The following PLCL2 variants were observed in gnomAD, a reference collection of about 807,000 sequenced individuals.
PLCL2 encodes the protein phospholipase C like 2.
A neutral mutation model predicts 79.6 loss-of-function variants in PLCL2; 4 were observed. The ratio of observed to expected loss-of-function variants is 0.05; its 90% CI spans 0.02 to 0.11. The LOEUF is 0.11. PLCL2 is among the 10% of genes least tolerant of loss of function. The probability of loss-of-function intolerance (pLI) is 1.00; values close to 1 mark genes in which losing one functional copy is unlikely to be tolerated. For missense variants in PLCL2, 895 were observed against 1,291.0 expected, an observed-to-expected ratio of 0.69 and a Z score of 4.70; for synonymous variants, 484 against 457.7, an observed-to-expected ratio of 1.06 and a Z score of -0.73.
chr3:17,083,305 C>G (rs1256878270), intron 5 of PLCL2, among the ~76,000 whole-genome samples: 1 of 152,176 alleles, frequency 6.6e-6, no homozygotes, highest in Non-Finnish European at 1.5e-5. Context: ...ACGTGCATTT[C>G]TGGGGCAAGG....
chr3:17,084,129 A>G (rs900572307), intron 5 of PLCL2, among the ~76,000 whole-genome samples: 8 of 152,190 alleles, frequency 5.3e-5, no homozygotes, highest in Non-Finnish European at 1.2e-4. Flanking sequence ...TATGGACACT[A>G]AAAGGATAAT....
intron 1 of PLCL2, among the ~76,000 whole-genome samples, chr3:16,999,749 A>T (rs779280983): frequency 1.4e-4 from 22 of 152,230 alleles, no homozygotes; most frequent in Non-Finnish European, 2.9e-4. Context: ...TTTCACAGCT[A>T]TCAATAAAAG....
intron 1 of PLCL2, among the ~76,000 whole-genome samples, chr3:16,972,524 A>G (rs188264755): frequency 5.3e-5 from 8 of 152,258 alleles, no homozygotes; most frequent in Admixed American, 1.3e-4. Flanking sequence ...GTTAAGTTCA[A>G]GTTCCGAATA....
chr3:17,069,311 A>C (rs555379994), intron 5 of PLCL2, among the ~76,000 whole-genome samples: 5 of 152,272 alleles, frequency 3.3e-5, no homozygotes, highest in African/African-American at 1.2e-4. Context: ...AAGGAAAACT[A>C]GTTTGGGAGG....
At chr3:17,033,029 T>C (rs776324725) in intron 3 of PLCL2, among the ~76,000 whole-genome samples, 1 of 152,132 alleles carries the variant, frequency 6.6e-6, no homozygotes, top group Non-Finnish European at 1.5e-5. Context: ...ACAGATAAGA[T>C]GGGATGTTAT....
At chr3:16,972,963 G>A (rs1208600938) in intron 1 of PLCL2, among the ~76,000 whole-genome samples, 2 of 151,754 alleles carry the variant, frequency 1.3e-5, no homozygotes, top group African/African-American at 4.8e-5. Flanking sequence ...CTTTTAATTG[G>A]GACACTTATC....
intron 1 of PLCL2, among the ~76,000 whole-genome samples, chr3:16,938,457 C>T (rs1026917882): frequency 2.0e-5 from 3 of 151,982 alleles, no homozygotes; most frequent in East Asian, 1.9e-4. Flanking sequence ...GTTGTATCTG[C>T]GGTGGGAGTT....
intron 4 of PLCL2, among the ~76,000 whole-genome samples, chr3:17,047,549 T>A (rs1340865381): frequency 6.6e-6 from 1 of 152,222 alleles, no homozygotes; most frequent in South Asian, 2.1e-4. Flanking sequence ...CTGAGTAAAG[T>A]GGGATCAAAG....
At position 17,041,708 on chromosome 3, in the gene PLCL2, C is replaced by T. The variant is rs148323526; in HGVS notation, c.3019-1166C>T. On this transcript the variant is annotated intron_variant, in intron 3 of 5. Coordinates refer to ENST00000615277, the MANE Select transcript of PLCL2 (RefSeq NM_001144382.2). ...CCTGTAATGCCAGCACTTGGGAGGC[C>T]GAGGTGGGAAGATCACTTGAGCCTA... Among the ~76,000 whole-genome samples the T allele has an allele frequency of 3.0e-3, 451 of 152,148 alleles. 1 individual carries two copies. Among genetic ancestry groups the T allele is most frequent in the Middle Eastern group, 0.017 (5 of 292 alleles).
At chr3:17,037,076 A>C (rs2064665666) in intron 3 of PLCL2, among the ~76,000 whole-genome samples, 1 of 152,210 alleles carries the variant, frequency 6.6e-6, no homozygotes, top group African/African-American at 2.4e-5. Flanking sequence ...GAAAATTCTG[A>C]CTAGATGGGA....
At chr3:16,980,282 C>CG (rs1452566000) in intron 1 of PLCL2, among the ~76,000 whole-genome samples, 2 of 146,240 alleles carry the variant, frequency 1.4e-5, no homozygotes, top group African/African-American at 5.1e-5. Flanking sequence ...CTGACCCCCC[C>CG]CACCTCCCTC....
chr3:16,898,932 G>T (rs1470495390), intron 1 of PLCL2, among the ~76,000 whole-genome samples: 1 of 152,244 alleles, frequency 6.6e-6, no homozygotes, highest in Non-Finnish European at 1.5e-5. Flanking sequence ...GGAGGGTGGA[G>T]GGGGAGGGGG....
intron 4 of PLCL2, among the ~76,000 whole-genome samples, chr3:17,050,338 A>G (rs1370131009): frequency 6.6e-6 from 1 of 152,202 alleles, no homozygotes; most frequent in Admixed American, 6.5e-5. Flanking sequence ...ATCAAGTTAA[A>G]AGGCTTCCAC....
At chr3:17,017,556 C>G (rs1444566296) in intron 3 of PLCL2, among the ~76,000 whole-genome samples, 1 of 152,082 alleles carries the variant, frequency 6.6e-6, no homozygotes, top group Non-Finnish European at 1.5e-5. Context: ...CTAAATATAG[C>G]TCTTTATTTT....
At chr3:17,001,752 A>G (rs1367370429) in intron 1 of PLCL2, among the ~76,000 whole-genome samples, 3 of 151,928 alleles carry the variant, frequency 2.0e-5, no homozygotes, top group Non-Finnish European at 4.4e-5. Context: ...TTTGGTTACT[A>G]TAGCTTTGTA....
At chr3:17,067,918 TG>T in intron 4 of PLCL2, 37 bp from the exon 5 acceptor site, 1 of 1,117,440 alleles carries the variant, frequency 8.9e-7, no homozygotes, top group East Asian at 2.4e-5. Context: ...ACAGATTGGA[TG>T]GGAGTTAATA....
At chr3:17,000,980 C>T (rs1575580119) in intron 1 of PLCL2, among the ~76,000 whole-genome samples, 1 of 151,964 alleles carries the variant, frequency 6.6e-6, no homozygotes, top group African/African-American at 2.4e-5. Flanking sequence ...CTATTTTTAG[C>T]TTTTTTGAGA....
At position 16,980,943 on chromosome 3, in the gene PLCL2, G is replaced by A. The variant is rs187789979; in HGVS notation, c.328-28731G>A. Among the ~76,000 whole-genome samples the A allele has an allele frequency of 6.0e-3, 910 of 152,342 alleles. 11 individuals are homozygous for A. The highest frequency in any genetic ancestry group is 0.021 in the African/African-American group (860 of 41,576). On this transcript the variant is annotated intron_variant, in intron 1 of 5. Transcript: ENST00000615277. ...ACGGTTAGGAGCTGGAGACCAGCCC[G>A]GCCAACACAGCGAAACCTCGTCTCC...
Position 17,029,375 on chromosome 3 carries a change from C to A in PLCL2, c.3019-13499C>A, listed in dbSNP as rs561380892. On this transcript the variant is annotated intron_variant, in intron 3 of 5. Coordinates refer to ENST00000615277, the MANE Select transcript of PLCL2 (RefSeq NM_001144382.2). Reference sequence around the variant, plus strand: ...AGAAAGAAAGAAAGAAAAAAAAAAACAACTGTATAGAAGAGCTTAGTGCAG... The same window carrying A: ...AGAAAGAAAGAAAGAAAAAAAAAAAAAACTGTATAGAAGAGCTTAGTGCAG... 3.5e-3 allele frequency among the ~76,000 whole-genome samples: 521 copies of A among 147,800 alleles called. 5 individuals carry two copies. The highest frequency in any genetic ancestry group is 0.012 in the African/African-American group (480 of 38,632).
Sources: gnomAD v4.1 joint callset for allele counts (sites outside exome capture counted in the v4.1 genomes callset) on GRCh38, gnomAD v4.1.1 for gene constraint, MANE v1.5 for transcripts, NCBI Gene and HGNC (gene_info 2026-07-23, HGNC 2026-07-21) for gene names.